The following ACACA variants were observed in gnomAD, a reference collection of about 807,000 sequenced individuals.
The protein encoded by ACACA is acetyl-CoA carboxylase 1.
ACACA carries 103 observed loss-of-function variants against 296.1 expected under a neutral mutation model. The ratio of observed to expected loss-of-function variants is 0.35; its 90% CI spans 0.30 to 0.41. The LOEUF is 0.41. ACACA is among the 10% of genes least tolerant of loss of function. The pLI, the probability that ACACA is intolerant of heterozygous loss-of-function variation, is 1.00. For synonymous variants in ACACA, 953 were observed against 1,038.6 expected (o/e 0.92, Z 1.58); for missense variants, 1,554 against 2,989.7 (o/e 0.52, Z 11.20).
intron 45 of ACACA, among the ~76,000 whole-genome samples, chr17:37,132,601 TCA>T (rs2075152460): frequency 6.6e-6 from 1 of 152,158 alleles, no homozygotes. Context: ...AATCTGATAT[TCA>T]CAATCTAGGT....
intron 33 of ACACA, among the ~76,000 whole-genome samples, chr17:37,201,177 G>A (rs1011702980): frequency 2.0e-5 from 3 of 152,144 alleles, no homozygotes; most frequent in African/African-American, 4.8e-5. Context: ...GGTGGCTCAC[G>A]CCTGTAATCC....
intron 42 of ACACA, among the ~76,000 whole-genome samples, chr17:37,157,049 C>T (rs2076280141): frequency 6.6e-6 from 1 of 152,132 alleles, no homozygotes; most frequent in African/African-American, 2.4e-5. Flanking sequence ...ATACCTCCTA[C>T]TCGGAAAGTC....
At position 37,113,083 on chromosome 17, in the gene ACACA, G is replaced by A. The variant is rs762450751; in HGVS notation, c.6452+5C>T. On this transcript the variant is annotated splice_donor_5th_base_variant and intron_variant, in intron 51 of 55. Transcript: ENST00000616317. This position sits in a 1 kb window ranked among gnomAD's most constrained non-coding sequence, Gnocchi z 4.0. ...CAGTGAATGGAAATGTGGAAGGCACGCTACCTGCTTTCTCGGTCAGCATAC... is the reference window on the plus strand; with the variant it reads ...CAGTGAATGGAAATGTGGAAGGCACACTACCTGCTTTCTCGGTCAGCATAC... 9.3e-6 allele frequency: 15 copies of A among 1,614,100 alleles called. No individual in the cohort carries two copies. Among genetic ancestry groups the A allele is most frequent in the East Asian group, 4.5e-5 (2 of 44,874 alleles).
rs182420504 is a variant in ACACA at position 37,333,220 on chromosome 17, T to C, written c.86-2795A>G. ...AGTCCTCCATGCCCATGCAGCAATATGGAGAGAAAGGGAATTCCTAACTTC... is the reference window on the plus strand; with the variant it reads ...AGTCCTCCATGCCCATGCAGCAATACGGAGAGAAAGGGAATTCCTAACTTC... On this transcript the variant is annotated intron_variant, in intron 2 of 55. Transcript: ENST00000616317. Among the ~76,000 whole-genome samples the C allele has an allele frequency of 4.5e-3, 689 of 152,218 alleles. 3 individuals are homozygous for C. Among genetic ancestry groups the C allele is most frequent in the Non-Finnish European group, 7.2e-3 (489 of 68,004 alleles).
intron 3 of ACACA, among the ~76,000 whole-genome samples, chr17:37,321,451 C>A (rs114785148): frequency 0.011 from 1,731 of 152,234 alleles, 37 homozygotes; most frequent in African/African-American, 0.038. Context: ...GGTGTCTCTA[C>A]TAAAACTACA....
chr17:37,164,080 C>T (rs1368318871), intron 41 of ACACA, among the ~76,000 whole-genome samples: 1 of 136,700 alleles, frequency 7.3e-6, no homozygotes. Flanking sequence ...TCTCACCCCC[C>T]TCCTTGCCCC....
At chr17:37,138,008 T>C (rs995413698) in intron 45 of ACACA, among the ~76,000 whole-genome samples, 3 of 152,230 alleles carry the variant, frequency 2.0e-5, no homozygotes, top group Non-Finnish European at 4.4e-5. Flanking sequence ...CTCAATTTCT[T>C]AGACGCGCAT....
intron 1 of ACACA, among the ~76,000 whole-genome samples, chr17:37,390,350 C>G (rs150160066): frequency 1.6e-5 from 1 of 61,900 alleles, no homozygotes; most frequent in Non-Finnish European, 2.9e-5. Flanking sequence ...CCAGCTGGGC[C>G]GGGCACGGTG....
At chr17:37,266,458 T>C (rs2081782022) in intron 10 of ACACA, among the ~76,000 whole-genome samples, 1 of 149,952 alleles carries the variant, frequency 6.7e-6, no homozygotes, top group Non-Finnish European at 1.5e-5. Flanking sequence ...TGTTTCCAGC[T>C]GAAAGCATTA....
At chr17:37,188,174 G>A (rs2077609526) in intron 39 of ACACA, 103 bp downstream of exon 39, 2 of 1,114,444 alleles carry the variant, frequency 1.8e-6, no homozygotes, top group South Asian at 1.3e-5. Context: ...ATCCCACCAG[G>A]TGAACCAATG....
intron 1 of ACACA, among the ~76,000 whole-genome samples, chr17:37,341,684 T>C (rs1383138920): frequency 2.0e-5 from 3 of 147,590 alleles, no homozygotes; most frequent in Admixed American, 1.4e-4. Context: ...AGCAAGACTC[T>C]GTCTCAAAAA....
intron 10 of ACACA, among the ~76,000 whole-genome samples, chr17:37,268,090 T>C (rs2081876806): frequency 6.6e-6 from 1 of 152,226 alleles, no homozygotes; most frequent in African/African-American, 2.4e-5. Flanking sequence ...ATCTTGCCTT[T>C]ACTTTCCTTG....
At chr17:37,188,606 C>G in intron 38 of ACACA, 126 bp from the exon 39 acceptor site, 1 of 984,946 alleles carries the variant, frequency 1.0e-6, no homozygotes, top group Non-Finnish European at 1.6e-6. Flanking sequence ...AGATGCACAC[C>G]TTACAAAAAG....
At chr17:37,392,165 T>C (rs976495462) in intron 1 of ACACA, 1 of 168,794 alleles carries the variant, frequency 5.9e-6, no homozygotes, top group Admixed American at 5.6e-5. Context: ...ATCTCCCTGG[T>C]TGACGTTTAT....
chr17:37,180,300 T>C (rs1311776285), intron 40 of ACACA, among the ~76,000 whole-genome samples: 3 of 152,222 alleles, frequency 2.0e-5, no homozygotes, highest in Non-Finnish European at 4.4e-5. Flanking sequence ...AATGAAGGTA[T>C]CTTTCAGGAG....
intron 16 of ACACA, among the ~76,000 whole-genome samples, chr17:37,249,496 C>A (rs542646893): frequency 1.3e-5 from 2 of 152,294 alleles, no homozygotes; most frequent in East Asian, 3.9e-4. Context: ...GTCCCAATTT[C>A]TCTACGTACT....
At chr17:37,341,882 T>A (rs1394666993) in intron 1 of ACACA, among the ~76,000 whole-genome samples, 1 of 151,904 alleles carries the variant, frequency 6.6e-6, no homozygotes, top group Non-Finnish European at 1.5e-5. Flanking sequence ...TCATACAAAA[T>A]TTTCATTCCA....
At chr17:37,249,451 G>C (rs1463807972) in intron 16 of ACACA, among the ~76,000 whole-genome samples, 4 of 152,090 alleles carry the variant, frequency 2.6e-5, no homozygotes, top group Non-Finnish European at 5.9e-5. Flanking sequence ...AATAGTGGCT[G>C]CATCATTTTA....
intron 1 of ACACA, among the ~76,000 whole-genome samples, chr17:37,389,686 C>CA (rs565123725): frequency 4.0e-3 from 549 of 138,044 alleles, no homozygotes; most frequent in Non-Finnish European, 6.3e-3. Flanking sequence ...GACTCTGTCT[C>CA]AAAAAAAAAA....
Sources: allele counts gnomAD v4.1 joint callset (sites outside exome capture counted in the v4.1 genomes callset), GRCh38; gene constraint gnomAD v4.1.1; non-coding constraint Gnocchi (gnomAD v3.1); transcripts MANE v1.5; gene names NCBI Gene and HGNC (gene_info 2026-07-23, HGNC 2026-07-21).